Variants in KDM3A observed in about 807,000 individuals in gnomAD.
The protein encoded by KDM3A is lysine-specific demethylase 3A.
Under a neutral mutation model 158.0 loss-of-function variants are expected in KDM3A, and 60 were observed. That is an observed-to-expected ratio of 0.38 (90% CI 0.31 to 0.47). The LOEUF (loss-of-function observed/expected upper bound fraction) is 0.47, where lower values mean the gene tolerates loss of function less well. Among genes scored for constraint, KDM3A ranks in the 20% least tolerant of loss-of-function variants. KDM3A has a pLI of 0.99. For missense variants in KDM3A, 1,319 were observed against 1,574.3 expected (o/e 0.84, Z 2.74); for synonymous variants, 608 against 549.3 (o/e 1.11, Z -1.49).
chr2:86,447,322 G>T (rs1682997048), intron 2 of KDM3A, among the ~76,000 whole-genome samples: 3 of 146,454 alleles, frequency 2.0e-5, no homozygotes, highest in Admixed American at 6.8e-5. Flanking sequence ...CTCAAAAATT[G>T]GGATATGGAA....
At position 86,482,073 on chromosome 2, in the gene KDM3A, C is replaced by T. The variant is rs142313434; in HGVS notation, c.2656C>T (p.Arg886Trp). The change falls in exon 17 of 26, where the codon CGG (arginine) becomes TGG (tryptophan). Residue 886 changes from arginine (R) to tryptophan (W), a missense_variant. By Grantham distance (101) the Arg-to-Trp change is moderately radical. Coordinates refer to ENST00000312912, the MANE Select transcript of KDM3A (RefSeq NM_018433.6). Reference protein sequence around the residue: ...PVSNNNSGFLRNLLNSSTGKT... With the variant: ...PVSNNNSGFLWNLLNSSTGKT... Reference sequence around the variant, plus strand: ...AAGCAACAACAATTCTGGTTTCCTCCGGAATCTCTTGAATTCTTCTACAGG... The same window carrying T: ...AAGCAACAACAATTCTGGTTTCCTCTGGAATCTCTTGAATTCTTCTACAGG... The T allele has an allele frequency of 1.9e-4, 305 of 1,614,064 alleles. 1 individual carries two copies. The highest frequency in any genetic ancestry group is 2.4e-4 in the Non-Finnish European group (283 of 1,179,960).
chr2:86,470,510 T>A, intron 11 of KDM3A, 102 bp downstream of exon 11: 2 of 934,738 alleles, frequency 2.1e-6, no homozygotes, highest in Admixed American at 2.3e-5. Flanking sequence ...AATCTAGAAG[T>A]AAAAAGGTGG....
At chr2:86,481,559 CTT>C (rs746229059) in intron 16 of KDM3A, among the ~76,000 whole-genome samples, 2 of 151,096 alleles carry the variant, frequency 1.3e-5, no homozygotes, top group Non-Finnish European at 2.9e-5. Flanking sequence ...TGTTTTCACT[CTT>C]TATTAAGCAT....
chr2:86,470,065 T>A (rs1673329529), intron 10 of KDM3A, 139 bp from the exon 11 acceptor site: 1 of 673,032 alleles, frequency 1.5e-6, no homozygotes, highest in African/African-American at 1.8e-5. Flanking sequence ...GAGCCATTTT[T>A]AGAAATTACA....
At chr2:86,450,647 A>C (rs1345665847) in intron 3 of KDM3A, among the ~76,000 whole-genome samples, 1 of 152,096 alleles carries the variant, frequency 6.6e-6, no homozygotes, top group Non-Finnish European at 1.5e-5. Flanking sequence ...AGGCCGGGAG[A>C]ATGGTTGAAG....
intron 21 of KDM3A, among the ~76,000 whole-genome samples, chr2:86,486,480 C>T (rs967936741): frequency 3.9e-5 from 6 of 152,112 alleles, no homozygotes; most frequent in Non-Finnish European, 7.3e-5. Context: ...GGGCTGGATT[C>T]GAGTTGGCCA....
intron 4 of KDM3A, among the ~76,000 whole-genome samples, chr2:86,452,797 C>T (rs1672526099): frequency 6.6e-6 from 1 of 152,192 alleles, no homozygotes; most frequent in Admixed American, 6.5e-5. Flanking sequence ...CTCATCCATA[C>T]TTCCATATCT....
intron 8 of KDM3A, 81 bp downstream of exon 8, chr2:86,457,152 T>C (rs1672741423): frequency 4.0e-6 from 2 of 494,978 alleles, no homozygotes; most frequent in Non-Finnish European, 6.5e-6. Flanking sequence ...TTATTATTTA[T>C]TTAATTATTT....
At chr2:86,447,029 T>C (rs975432230) in intron 2 of KDM3A, among the ~76,000 whole-genome samples, 2 of 152,168 alleles carry the variant, frequency 1.3e-5, no homozygotes, top group Non-Finnish European at 2.9e-5. Flanking sequence ...CTTGGCTGGT[T>C]TAGAACTCCT....
intron 19 of KDM3A, chr2:86,484,548 G>C (rs906616740): frequency 1.3e-5 from 3 of 236,878 alleles, no homozygotes; most frequent in African/African-American, 4.5e-5. Context: ...AGGAGGAGCA[G>C]ATTGGATCGA....
Position 86,466,396 on chromosome 2 carries a change from G to A in KDM3A, c.1032G>A (p.Glu344=), listed in dbSNP as rs754848773. The part of the protein sequence containing the change: ...PQGCHKQSLP[E]EISSCLNTKS... ...GATGTCATAAACAAAGTTTACCAGA[G>A]GAAATTTCTTCCTGTCTAAATACAA... Residue 344 remains glutamate, a synonymous_variant, in exon 10 of 26, where the codon GAG becomes GAA. Transcript: ENST00000312912. 1.9e-6 allele frequency: 3 copies of A among 1,611,018 alleles called. No individual in the cohort carries two copies. In the South Asian group the frequency reaches 3.3e-5, roughly 18 times the overall value.
chr2:86,444,807 T>G (rs1682888906), intron 2 of KDM3A, among the ~76,000 whole-genome samples: 2 of 152,204 alleles, frequency 1.3e-5, no homozygotes, highest in South Asian at 4.1e-4. Flanking sequence ...CCAAGGCTTG[T>G]TAACTTTGTT....
intron 16 of KDM3A, among the ~76,000 whole-genome samples, chr2:86,480,951 T>C (rs1373795035): frequency 2.0e-5 from 3 of 152,186 alleles, no homozygotes; most frequent in Non-Finnish European, 2.9e-5. Context: ...TCTGTATTAC[T>C]GATGAGGAAG....
chr2:86,470,804 A>G (rs1673366104), intron 11 of KDM3A, among the ~76,000 whole-genome samples: 1 of 152,208 alleles, frequency 6.6e-6, no homozygotes, highest in Admixed American at 6.5e-5. Context: ...TTCCCATTAC[A>G]TAGTAGGAAC....
At chr2:86,484,307 C>A in intron 19 of KDM3A, 149 bp downstream of exon 19, 1 of 654,204 alleles carries the variant, frequency 1.5e-6, no homozygotes, top group Non-Finnish European at 2.6e-6. Context: ...TTCCTTGTTA[C>A]AATGTTTATG....
Position 86,491,044 on chromosome 2 carries a change from G to A in KDM3A, c.3737G>A (p.Gly1246Glu). The A allele has an allele frequency of 6.2e-7, 1 of 1,613,720 alleles. No homozygotes were observed. The highest frequency in any genetic ancestry group is 8.5e-7 in the Non-Finnish European group (1 of 1,179,818). ...GGGGATGTGGTGTTTATCCCGGCAG[G>A]AGCTCCACATCAGGCAAGAATCATT... The part of the protein sequence containing the change: ...FLGDVVFIPA[G>E]APHQVHNLYS... The change falls in exon 24 of 26, where the codon GGA (glycine) becomes GAA (glutamate). Residue 1246 changes from glycine to glutamate, a missense_variant. This residue lies in a region of KDM3A where 186 missense variants were observed against 340.9 expected (regional missense o/e 0.55). Coordinates refer to ENST00000312912, the MANE Select transcript of KDM3A (RefSeq NM_018433.6).
chr2:86,476,585 C>T (rs1330153600), intron 12 of KDM3A, among the ~76,000 whole-genome samples: 6 of 152,180 alleles, frequency 3.9e-5, no homozygotes, highest in South Asian at 2.1e-4. Flanking sequence ...GGGAGCAGAT[C>T]TCGACTATTA....
upstream of KDM3A, among the ~76,000 whole-genome samples, chr2:86,437,868 T>C (rs879900703): frequency 3.9e-5 from 6 of 152,150 alleles, no homozygotes; most frequent in African/African-American, 1.2e-4. Context: ...CATTATCTTT[T>C]TGATTCTTGT....
At position 86,470,274 on chromosome 2, in the gene KDM3A, C is replaced by G. The variant is rs762222097; in HGVS notation, c.1590C>G (p.Phe530Leu). 6.2e-7 allele frequency: 1 copy of G among 1,614,132 alleles called. No individual in the cohort carries two copies. Among genetic ancestry groups the G allele is most frequent in the Non-Finnish European group, 8.5e-7 (1 of 1,180,008 alleles). The change falls in exon 11 of 26, where the codon TTC becomes TTG. Residue 530 changes from phenylalanine to leucine, a missense_variant. Around this residue, in one of 4 missense-constraint regions of KDM3A, gnomAD observed 652 missense variants for 627.2 expected, o/e 1.04. Coordinates refer to ENST00000312912, the MANE Select transcript of KDM3A (RefSeq NM_018433.6). Reference sequence around the variant, plus strand: ...AGCTGCAACAGAGTGGCGAGGCCTTCGTACAGGATGATTCTTGTGTGAACA... The same window carrying G: ...AGCTGCAACAGAGTGGCGAGGCCTTGGTACAGGATGATTCTTGTGTGAACA... ...LKKLQQSGEA[F>L]VQDDSCVNIV...
Sources: allele counts gnomAD v4.1 joint callset (sites outside exome capture counted in the v4.1 genomes callset), GRCh38; gene constraint gnomAD v4.1.1; regional missense constraint gnomAD v4.1.1; transcripts MANE v1.5; gene names NCBI Gene and HGNC (gene_info 2026-07-23, HGNC 2026-07-21).